The following NAALADL2 variants were observed in gnomAD, a reference collection of about 807,000 sequenced individuals.
NAALADL2 encodes the protein inactive N-acetylated-alpha-linked acidic dipeptidase-like protein 2.
A neutral mutation model predicts 87.2 loss-of-function variants in NAALADL2; 76 were observed. The observed-to-expected ratio is 0.87, with a 90% CI of 0.72 to 1.05. NAALADL2 has a LOEUF of 1.05. Among genes scored for constraint, NAALADL2 ranks in the 50% least tolerant of loss-of-function variants. NAALADL2 has a pLI of 0.00. For missense variants in NAALADL2, 1,089 were observed against 945.8 expected (o/e 1.15, Z -1.99); for synonymous variants, 354 against 331.0 (o/e 1.07, Z -0.75).
At chr3:175,058,080 T>A (rs796679649) in intron 1 of NAALADL2, among the ~76,000 whole-genome samples, 4 of 152,104 alleles carry the variant, frequency 2.6e-5, no homozygotes, top group African/African-American at 7.2e-5. Context: ...AGAACAGTGA[T>A]TTTTTTTCAA....
chr3:174,495,502 T>C (rs1472340524), intron 1 of NAALADL2, among the ~76,000 whole-genome samples: 3 of 152,230 alleles, frequency 2.0e-5, no homozygotes, highest in Admixed American at 2.0e-4. Context: ...CTGAGTATTG[T>C]GGCAGACTAC....
chr3:174,539,781 A>C (rs1722052484), intron 1 of NAALADL2, among the ~76,000 whole-genome samples: 1 of 152,040 alleles, frequency 6.6e-6, no homozygotes, highest in South Asian at 2.1e-4. Flanking sequence ...TAGGTCACTT[A>C]AAGCATTGTT....
At chr3:175,535,608 GT>G (rs1734710009) in intron 9 of NAALADL2, among the ~76,000 whole-genome samples, 1 of 152,046 alleles carries the variant, frequency 6.6e-6, no homozygotes, top group East Asian at 1.9e-4. Flanking sequence ...CCATCCATTT[GT>G]TTTTGTGGGG....
chr3:175,085,445 G>T (rs549569763), intron 1 of NAALADL2, among the ~76,000 whole-genome samples: 112 of 152,048 alleles, frequency 7.4e-4, no homozygotes, highest in Non-Finnish European at 1.3e-3. Flanking sequence ...ATCTTTAAAG[G>T]TTATGCTCCT....
intron 2 of NAALADL2, among the ~76,000 whole-genome samples, chr3:174,714,176 C>T (rs957533322): frequency 4.6e-5 from 7 of 152,084 alleles, no homozygotes; most frequent in Non-Finnish European, 1.0e-4. Context: ...ATTTTGGTAC[C>T]AGTTCCATGC....
At chr3:175,604,742 T>A (rs9849172) in intron 10 of NAALADL2, among the ~76,000 whole-genome samples, 4 of 152,178 alleles carry the variant, frequency 2.6e-5, no homozygotes, top group African/African-American at 9.7e-5. Context: ...ATGCTCAGGG[T>A]TTCATTCTTT....
intron 9 of NAALADL2, among the ~76,000 whole-genome samples, chr3:175,482,370 C>T (rs558070186): frequency 5.5e-4 from 83 of 150,646 alleles, no homozygotes; most frequent in African/African-American, 1.7e-3. Context: ...AATATGGAAC[C>T]GTAGACTGCA....
chr3:174,515,088 T>C (rs868338040), intron 1 of NAALADL2, among the ~76,000 whole-genome samples: 46 of 152,258 alleles, frequency 3.0e-4, no homozygotes, highest in African/African-American at 1.0e-3. Flanking sequence ...AGCAATATTA[T>C]CAGGAAGGAA....
chr3:175,730,421 T>C (rs1377163166), intron 11 of NAALADL2, among the ~76,000 whole-genome samples: 3 of 113,846 alleles, frequency 2.6e-5, no homozygotes, highest in African/African-American at 1.0e-4. Context: ...TATATATATA[T>C]ATATATATAT....
At chr3:174,853,400 A>G (rs1725489552) in intron 3 of NAALADL2, among the ~76,000 whole-genome samples, 1 of 147,892 alleles carries the variant, frequency 6.8e-6, no homozygotes, top group Non-Finnish European at 1.5e-5. Flanking sequence ...AAAAAAATAG[A>G]TTTACACCTA....
At chr3:175,284,467 T>A (rs1754736077) in intron 4 of NAALADL2, among the ~76,000 whole-genome samples, 1 of 152,068 alleles carries the variant, frequency 6.6e-6, no homozygotes, top group Admixed American at 6.6e-5. Flanking sequence ...ATGCAAGACT[T>A]AATGTATGGC....
Position 175,324,242 on chromosome 3 carries a change from A to G in NAALADL2, c.1007A>G (p.Lys336Arg). The change falls in exon 5 of 14, where the codon AAG becomes AGG. Residue 336 changes from lysine to arginine, a missense_variant. Transcript: ENST00000454872. ...TATATCGATCCTTGTGATTTGCCAA[A>G]GACTGTGAATCCTAGCCATGATACC... is the stretch of plus-strand genomic sequence containing the variant. ...LLYIDPCDLPKTVNPSHDTFM... is the reference protein window; with the variant it reads ...LLYIDPCDLPRTVNPSHDTFM... 6.2e-7 allele frequency: 1 copy of G among 1,613,720 alleles called. No homozygotes were observed. The highest frequency in any genetic ancestry group is 8.5e-7 in the Non-Finnish European group (1 of 1,179,736).
chr3:174,681,062 T>C (rs1040468344), intron 2 of NAALADL2, among the ~76,000 whole-genome samples: 3 of 152,072 alleles, frequency 2.0e-5, no homozygotes, highest in African/African-American at 7.2e-5. Flanking sequence ...AGACTTTGCA[T>C]TGGGAACCCA....
chr3:174,954,833 A>C (rs1579706230), intron 1 of NAALADL2, among the ~76,000 whole-genome samples: 1 of 152,192 alleles, frequency 6.6e-6, no homozygotes, highest in African/African-American at 2.4e-5. Context: ...TTGTAAGAGA[A>C]GTTCATAAAA....
intron 9 of NAALADL2, among the ~76,000 whole-genome samples, chr3:175,530,585 T>C (rs1348018977): frequency 1.3e-5 from 2 of 152,182 alleles, no homozygotes; most frequent in African/African-American, 4.8e-5. Context: ...GAACCATCTG[T>C]GAACCAGGCC....
intron 2 of NAALADL2, among the ~76,000 whole-genome samples, chr3:175,222,889 T>G (rs1325000393): frequency 6.6e-6 from 1 of 152,188 alleles, no homozygotes; most frequent in Non-Finnish European, 1.5e-5. Flanking sequence ...ATCTCTTTAC[T>G]GTCTGGCTTA....
intron 2 of NAALADL2, among the ~76,000 whole-genome samples, chr3:175,122,167 G>A (rs7648960): frequency 0.6 from 91,240 of 151,144 alleles, 28,028 homozygotes; most frequent in African/African-American, 0.73. Flanking sequence ...CCCTGCCTAT[G>A]CTGATATAAA....
chr3:175,219,850 T>C (rs1743076431), intron 2 of NAALADL2, among the ~76,000 whole-genome samples: 1 of 149,324 alleles, frequency 6.7e-6, no homozygotes, highest in South Asian at 2.1e-4. Context: ...CTCTCAATAA[T>C]AGTTTGTGGT....
At chr3:175,529,987 A>C (rs1421686727) in intron 9 of NAALADL2, among the ~76,000 whole-genome samples, 1 of 152,146 alleles carries the variant, frequency 6.6e-6, no homozygotes, top group Non-Finnish European at 1.5e-5. Flanking sequence ...TCGAGGGCTC[A>C]GTGTTGGTCT....
Sources: gnomAD v4.1 joint callset for allele counts (sites outside exome capture counted in the v4.1 genomes callset) on GRCh38, gnomAD v4.1.1 for gene constraint, MANE v1.5 for transcripts, NCBI Gene and HGNC (gene_info 2026-07-23, HGNC 2026-07-21) for gene names.